Variants in ST6GALNAC3 observed in about 807,000 individuals in gnomAD.
ST6GALNAC3 encodes ST6 N-acetylgalactosaminide alpha-2,6-sialyltransferase 3.
In ST6GALNAC3, 25 loss-of-function variants were observed where a neutral mutation model predicts 32.7. That is an observed-to-expected ratio of 0.76 (90% CI 0.56 to 1.07). The LOEUF (loss-of-function observed/expected upper bound fraction) is 1.07. ST6GALNAC3 is among the 50% of genes least tolerant of loss of function. The pLI is 0.00. For synonymous variants in ST6GALNAC3, 129 were observed against 133.1 expected, an observed-to-expected ratio of 0.97 and a Z score of 0.21; for missense variants, 355 against 382.4, an observed-to-expected ratio of 0.93 and a Z score of 0.60.
intron 3 of ST6GALNAC3, among the ~76,000 whole-genome samples, chr1:76,446,522 A>G (rs1272082125): frequency 6.6e-6 from 1 of 152,120 alleles, no homozygotes. Context: ...GCGACCACGG[A>G]TCTTGTTACT....
chr1:76,432,274 C>T (rs771454865), intron 3 of ST6GALNAC3, among the ~76,000 whole-genome samples: 1 of 152,074 alleles, frequency 6.6e-6, no homozygotes. Context: ...TACTGAAGGA[C>T]ATCTTGGTTG....
chr1:76,262,939 TG>T (rs1192889969), intron 1 of ST6GALNAC3, among the ~76,000 whole-genome samples: 1 of 152,170 alleles, frequency 6.6e-6, no homozygotes, highest in African/African-American at 2.4e-5. Flanking sequence ...TGAGGCTCAC[TG>T]GGCCCAGGGT....
chr1:76,418,252 C>G (rs1294328503), intron 3 of ST6GALNAC3, among the ~76,000 whole-genome samples: 1 of 152,102 alleles, frequency 6.6e-6, no homozygotes, highest in African/African-American at 2.4e-5. Flanking sequence ...CTCAGGTTTG[C>G]AAACCTTTAG....
chr1:76,323,865 A>ATT (rs573131969), intron 2 of ST6GALNAC3, among the ~76,000 whole-genome samples: 23 of 148,650 alleles, frequency 1.5e-4, no homozygotes, highest in Non-Finnish European at 2.8e-4. Flanking sequence ...TATTACTAGA[A>ATT]TTTTTTTTTT....
At chr1:76,078,842 G>T (rs528228485) in intron 1 of ST6GALNAC3, among the ~76,000 whole-genome samples, 4 of 151,986 alleles carry the variant, frequency 2.6e-5, no homozygotes, top group Non-Finnish European at 5.9e-5. Flanking sequence ...GTGCAGTGGC[G>T]TGATCTTGGT....
intron 1 of ST6GALNAC3, among the ~76,000 whole-genome samples, chr1:76,160,165 T>A (rs955830957): frequency 1.3e-5 from 2 of 152,174 alleles, no homozygotes; most frequent in Middle Eastern, 3.4e-3. Context: ...GACACACAGA[T>A]GGATGAAAAT....
chr1:76,585,449 C>T (rs1296801983), intron 3 of ST6GALNAC3, among the ~76,000 whole-genome samples: 3 of 151,138 alleles, frequency 2.0e-5, no homozygotes, highest in Non-Finnish European at 4.4e-5. Flanking sequence ...GGTGGAGAAA[C>T]ATGTTAGGCA....
chr1:76,391,953 C>T (rs922405145), intron 2 of ST6GALNAC3, among the ~76,000 whole-genome samples: 1 of 152,142 alleles, frequency 6.6e-6, no homozygotes, highest in African/African-American at 2.4e-5. Flanking sequence ...GGCCTGTTAC[C>T]TAATTACTTA....
At chr1:76,115,035 T>G (rs1648364521) in intron 1 of ST6GALNAC3, among the ~76,000 whole-genome samples, 1 of 152,024 alleles carries the variant, frequency 6.6e-6, no homozygotes, top group South Asian at 2.1e-4. Context: ...ATACCCACAA[T>G]AGCCAGTAAT....
chr1:76,535,708 A>T (rs1438755126), intron 3 of ST6GALNAC3, among the ~76,000 whole-genome samples: 1 of 152,166 alleles, frequency 6.6e-6, no homozygotes, highest in Non-Finnish European at 1.5e-5. Context: ...AAATAACCTA[A>T]TCTAGTTTCT....
intron 1 of ST6GALNAC3, among the ~76,000 whole-genome samples, chr1:76,119,464 A>G (rs914551524): frequency 3.9e-5 from 6 of 152,160 alleles, no homozygotes; most frequent in Non-Finnish European, 7.3e-5. Flanking sequence ...GGCCAAACCT[A>G]AGTTCACATA....
At chr1:76,277,658 A>G (rs1271422243) in intron 1 of ST6GALNAC3, among the ~76,000 whole-genome samples, 3 of 150,570 alleles carry the variant, frequency 2.0e-5, no homozygotes, top group Non-Finnish European at 4.4e-5. Flanking sequence ...GTAGCTGTAT[A>G]TACACGAATA....
chr1:76,234,452 C>T (rs1016496802), intron 1 of ST6GALNAC3, among the ~76,000 whole-genome samples: 3 of 152,236 alleles, frequency 2.0e-5, no homozygotes, highest in Admixed American at 2.0e-4. Flanking sequence ...GGATCTCTCA[C>T]ATGCCAGTGG....
chr1:76,122,375 C>T (rs919383031), intron 1 of ST6GALNAC3, among the ~76,000 whole-genome samples: 2 of 152,096 alleles, frequency 1.3e-5, no homozygotes, highest in Non-Finnish European at 2.9e-5. Flanking sequence ...TAACACCTTC[C>T]AAAATATCAG....
chr1:76,402,503 G>A (rs1653502486), intron 2 of ST6GALNAC3, among the ~76,000 whole-genome samples: 1 of 152,054 alleles, frequency 6.6e-6, no homozygotes, highest in African/African-American at 2.4e-5. Context: ...TACGCACCAT[G>A]ATCTCCTGAC....
intron 1 of ST6GALNAC3, among the ~76,000 whole-genome samples, chr1:76,305,307 C>G (rs1010733833): frequency 1.3e-5 from 2 of 152,002 alleles, no homozygotes; most frequent in Non-Finnish European, 2.9e-5. Context: ...GGATAATGAA[C>G]AGCATGACAG....
At chr1:76,166,734 A>C (rs557646049) in intron 1 of ST6GALNAC3, among the ~76,000 whole-genome samples, 14 of 152,166 alleles carry the variant, frequency 9.2e-5, no homozygotes, top group African/African-American at 3.4e-4. Context: ...TTGGCTGAGT[A>C]TTCTTAAGTA....
rs1649291920 is a variant in ST6GALNAC3 at position 76,631,378 on chromosome 1, A to C, written c.*2572A>C. On this transcript the variant is annotated 3_prime_UTR_variant, in exon 5 of 5. Transcript: ENST00000328299. The stretch of plus-strand genomic sequence containing the variant: ...TTTCCAGTATAATCAGCATTTTGAT[A>C]GAATCTCACAACTTATTTTTCTCTG... 1 of 149,882 alleles carries C rather than the reference A, an allele frequency of 6.7e-6. No individual in the cohort carries two copies. Among genetic ancestry groups the C allele is most frequent in the South Asian group, 2.1e-4 (1 of 4,812 alleles). 9.3% of individuals were successfully genotyped at this position (149,882 alleles called of 1,614,324 possible). A position where few individuals can be genotyped will look rare whatever the true frequency, so the allele number is the denominator to read the frequency against.
intron 3 of ST6GALNAC3, among the ~76,000 whole-genome samples, chr1:76,467,986 T>A (rs1194582560): frequency 1.3e-5 from 2 of 152,022 alleles, no homozygotes; most frequent in South Asian, 4.1e-4. Flanking sequence ...TTGGTATTTA[T>A]GTATATGAAA....
Sources: allele counts gnomAD v4.1 joint callset (sites outside exome capture counted in the v4.1 genomes callset), GRCh38; gene constraint gnomAD v4.1.1; transcripts MANE v1.5; gene names NCBI Gene and HGNC (gene_info 2026-07-23, HGNC 2026-07-21).